The following SARS1 variants were observed in gnomAD, a reference collection of about 807,000 sequenced individuals.
SARS1 encodes the protein seryl-tRNA synthetase 1, also known as serine--tRNA ligase, cytoplasmic.
SARS1 carries 25 observed loss-of-function variants against 63.7 expected under a neutral mutation model. That is an observed-to-expected ratio of 0.39 (90% CI 0.29 to 0.55). SARS1 has a LOEUF of 0.55. Among genes scored for constraint, SARS1 ranks in the 20% least tolerant of loss-of-function variants. The probability of loss-of-function intolerance (pLI) is 0.62; values close to 1 mark genes in which losing one functional copy is unlikely to be tolerated. For synonymous variants in SARS1, 231 were observed against 243.5 expected (o/e 0.95, Z 0.48); for missense variants, 417 against 649.7 (o/e 0.64, Z 3.89).
At position 109,231,629 on chromosome 1, in the gene SARS1, AG is replaced by A; in HGVS notation, c.595del. 6.6e-7 allele frequency: 1 copy of A among 1,515,376 alleles called. No individual in the cohort carries two copies. The highest frequency in any genetic ancestry group is 8.8e-7 in the Non-Finnish European group (1 of 1,134,848). 93.9% of individuals were successfully genotyped at this position (1,515,376 alleles called of 1,614,324 possible). ...CATAGTACTGTGTCTCTGCTCCTCT[AG>A]GGGGTCCTGGTGTTCCTGGAACAGG... On this transcript the variant is annotated splice_acceptor_variant, in intron 5 of 10. Coordinates refer to ENST00000234677, the MANE Select transcript of SARS1 (RefSeq NM_006513.4). LOFTEE classifies it high-confidence loss of function.
intron 1 of SARS1, chr1:109,215,951 G>C: frequency 1.3e-6 from 1 of 771,852 alleles, no homozygotes; most frequent in Non-Finnish European, 1.6e-6. Context: ...TGATCCGCCT[G>C]CCTCAGCCTC....
intron 1 of SARS1, among the ~76,000 whole-genome samples, chr1:109,222,000 ATATATATATATTTTTTTTTTTTTTTTTTT>A: frequency 6.7e-5 from 1 of 14,930 alleles, no homozygotes; most frequent in South Asian, 5.7e-3. Flanking sequence ...ATATATATAT[ATATATATATATTTTTTTTTTTTTTTTTTT>A]TTTTTTTTTT....
intron 5 of SARS1, 192 bp from the exon 6 acceptor site, chr1:109,231,439 C>T: frequency 1.2e-5 from 5 of 415,210 alleles, no homozygotes; most frequent in Non-Finnish European, 1.7e-5. Flanking sequence ...GGATGATTTG[C>T]TGGGCTTCAG....
At chr1:109,227,069 C>T (rs1425765130) in intron 2 of SARS1, among the ~76,000 whole-genome samples, 2 of 147,938 alleles carry the variant, frequency 1.4e-5, no homozygotes, top group Non-Finnish European at 1.5e-5. Context: ...GATCTCAGCT[C>T]ACTGCAACCT....
chr1:109,215,727 A>T, intron 1 of SARS1: 1 of 876,776 alleles, frequency 1.1e-6, no homozygotes, highest in African/African-American at 1.8e-5. Context: ...TGTTTTTGAG[A>T]CGGAGTCTCT....
chr1:109,224,381 A>G (rs1437511682), intron 2 of SARS1, among the ~76,000 whole-genome samples: 1 of 152,166 alleles, frequency 6.6e-6, no homozygotes, highest in African/African-American at 2.4e-5. Flanking sequence ...CAGCGTAGTT[A>G]TGCTCCATAA....
At chr1:109,226,700 A>ATATATATG in intron 2 of SARS1, among the ~76,000 whole-genome samples, 1 of 60,592 alleles carries the variant, frequency 1.7e-5, no homozygotes, top group Non-Finnish European at 3.4e-5. Context: ...ATATATATAC[A>ATATATATG]CACACACACA....
chr1:109,223,900 A>G (rs1557716025), intron 1 of SARS1, 78 bp from the exon 2 acceptor site: 3 of 1,075,392 alleles, frequency 2.8e-6, no homozygotes, highest in Non-Finnish European at 4.3e-6. Flanking sequence ...AATCAGTACT[A>G]AGAAGTCAAG....
intron 1 of SARS1, among the ~76,000 whole-genome samples, chr1:109,220,383 CATTGGCAGTCCTTTTA>C (rs1193059814): frequency 6.6e-6 from 1 of 152,074 alleles, no homozygotes; most frequent in Non-Finnish European, 1.5e-5. Context: ...CAGTACTTGA[CATTGGCAGTCCTTTTA>C]ATTTAGCCAT....
chr1:109,230,419 T>C (rs963731204), intron 4 of SARS1, among the ~76,000 whole-genome samples: 1 of 152,210 alleles, frequency 6.6e-6, no homozygotes, highest in African/African-American at 2.4e-5. Flanking sequence ...TCTCTAGTTA[T>C]GAGACACAGT....
chr1:109,223,054 C>T (rs992967619), intron 1 of SARS1, among the ~76,000 whole-genome samples: 3 of 152,068 alleles, frequency 2.0e-5, no homozygotes, highest in African/African-American at 4.8e-5. Flanking sequence ...ATCATATTGC[C>T]CCTGACGTTT....
Position 109,235,253 on chromosome 1 carries a change from A to T in SARS1, c.791A>T (p.Asp264Val). 6.2e-7 allele frequency: 1 copy of T among 1,614,082 alleles called. No individual in the cohort carries two copies. Among genetic ancestry groups the T allele is most frequent in the Non-Finnish European group, 8.5e-7 (1 of 1,180,014 alleles). Residue 264 changes from aspartate to valine, a missense_variant, in exon 7 of 11, where the codon GAT becomes GTT. Transcript: ENST00000234677. The surrounding 1 kb of genome is among the most constrained non-coding windows in gnomAD (Gnocchi z 4.7). ...GAAAAGTCTGATGACAACTCCTATG[A>T]TGAGAAGTACCTGATTGCCACCTCA... ...GSEKSDDNSY[D>V]EKYLIATSEQ... is the part of the protein sequence containing the mutation.
At chr1:109,221,168 C>T (rs1654919894) in intron 1 of SARS1, among the ~76,000 whole-genome samples, 2 of 151,690 alleles carry the variant, frequency 1.3e-5, no homozygotes, top group Non-Finnish European at 1.5e-5. Flanking sequence ...TCAAGCGATT[C>T]TCCTGCCTCA....
At chr1:109,217,812 G>C (rs750111394) in intron 1 of SARS1, among the ~76,000 whole-genome samples, 1 of 151,862 alleles carries the variant, frequency 6.6e-6, no homozygotes, top group Non-Finnish European at 1.5e-5. Flanking sequence ...CTCCCACTTC[G>C]ACCTCCCACA....
intron 2 of SARS1, among the ~76,000 whole-genome samples, chr1:109,226,349 GTTCT>G (rs201852359): frequency 0.011 from 1,523 of 145,016 alleles, 16 homozygotes; most frequent in African/African-American, 0.037. Flanking sequence ...TAGTCCTTTT[GTTCT>G]TTCTTTTTTT....
Position 109,235,115 on chromosome 1 carries a change from T to G in SARS1, c.748-95T>G, listed in dbSNP as rs1655281968. On this transcript the variant is annotated intron_variant, in intron 6 of 10. Coordinates refer to ENST00000234677, the MANE Select transcript of SARS1 (RefSeq NM_006513.4). The surrounding 1 kb of genome is among the most constrained non-coding windows in gnomAD (Gnocchi z 4.7). ...CCAGGCAGGGATTAAAGGAAATTTT[T>G]CCTGCACTATTATTGATCTCTTTCT... 15 of 989,864 alleles carry G rather than the reference T, an allele frequency of 1.5e-5. No individual in the cohort carries two copies. In the South Asian group the frequency reaches 1.6e-4, roughly 11 times the overall value. 61.3% of individuals were successfully genotyped at this position (989,864 alleles called of 1,614,324 possible). A position where few individuals can be genotyped will look rare whatever the true frequency, so the allele number is the denominator to read the frequency against.
intron 3 of SARS1, 55 bp downstream of exon 3, chr1:109,228,487 T>C (rs150146171): frequency 8.0e-7 from 1 of 1,254,554 alleles, no homozygotes; most frequent in Non-Finnish European, 1.2e-6. Flanking sequence ...CTTAATTTTA[T>C]TCCTAGACAG....
chr1:109,224,388 A>G (rs1245150284), intron 2 of SARS1, among the ~76,000 whole-genome samples: 2 of 152,358 alleles, frequency 1.3e-5, no homozygotes, highest in South Asian at 2.1e-4. Context: ...GTTATGCTCC[A>G]TAATGAAAAC....
At chr1:109,231,451 G>C (rs1483074800) in intron 5 of SARS1, 180 bp from the exon 6 acceptor site, 1 of 443,830 alleles carries the variant, frequency 2.3e-6, no homozygotes, top group African/African-American at 2.0e-5. Context: ...GGGCTTCAGT[G>C]TTCAGAACGA....
Sources: allele counts gnomAD v4.1 joint callset (sites outside exome capture counted in the v4.1 genomes callset), GRCh38; gene constraint gnomAD v4.1.1; non-coding constraint Gnocchi (gnomAD v3.1); transcripts MANE v1.5; gene names NCBI Gene and HGNC (gene_info 2026-07-23, HGNC 2026-07-21).